CPED1: variants seen among roughly 807,000 people sequenced by gnomAD.
CPED1 encodes cadherin like and PC-esterase domain containing 1, also known as cadherin-like and PC-esterase domain-containing protein 1.
In CPED1, 114 loss-of-function variants were observed where a neutral mutation model predicts 128.2. The ratio of observed to expected loss-of-function variants is 0.89; its 90% CI spans 0.76 to 1.04. CPED1 has a LOEUF of 1.04. Among genes scored for constraint, CPED1 ranks in the 50% least tolerant of loss-of-function variants. The pLI, the probability that CPED1 is intolerant of heterozygous loss-of-function variation, is 0.00. For missense variants in CPED1, 1,211 were observed against 1,207.1 expected, an observed-to-expected ratio of 1.00 and a Z score of -0.05; for synonymous variants, 462 against 426.7, an observed-to-expected ratio of 1.08 and a Z score of -1.02.
At chr7:121,210,780 T>C (rs575280978) in intron 16 of CPED1, among the ~76,000 whole-genome samples, 27 of 152,078 alleles carry the variant, frequency 1.8e-4, no homozygotes, top group African/African-American at 6.0e-4. Flanking sequence ...TAATCTATTA[T>C]ACATTTGAAA....
chr7:121,074,102 CCT>C (rs1008421648), intron 5 of CPED1, among the ~76,000 whole-genome samples: 2 of 152,126 alleles, frequency 1.3e-5, no homozygotes, highest in African/African-American at 4.8e-5. Flanking sequence ...CCTATTACCC[CCT>C]GATTTAGAGG....
At chr7:121,226,568 A>C (rs935973067) in intron 16 of CPED1, among the ~76,000 whole-genome samples, 2 of 152,080 alleles carry the variant, frequency 1.3e-5, no homozygotes, top group Non-Finnish European at 2.9e-5. Flanking sequence ...TTGTACATCT[A>C]TCTTTGTGTA....
Position 121,266,813 on chromosome 7 carries a change from A to G in CPED1, c.2633+5A>G. ...TATTCACAAAGTTTTGAAGAGGTAA[A>G]TGTCTGCAACAATAATTGTCATTAG... On this transcript the variant is annotated splice_donor_5th_base_variant and intron_variant, in intron 20 of 22. Transcript: ENST00000310396. The G allele has an allele frequency of 6.3e-7, 1 of 1,594,872 alleles. No individual in the cohort carries two copies. The highest frequency in any genetic ancestry group is 8.6e-7 in the Non-Finnish European group (1 of 1,162,854).
intron 10 of CPED1, among the ~76,000 whole-genome samples, chr7:121,127,629 G>A (rs548338305): frequency 2.0e-5 from 3 of 149,738 alleles, no homozygotes; most frequent in Admixed American, 1.3e-4. Context: ...TCCGCCTCCT[G>A]GGTTCAAGAG....
At chr7:121,165,246 G>A (rs956150991) in intron 16 of CPED1, among the ~76,000 whole-genome samples, 7 of 152,080 alleles carry the variant, frequency 4.6e-5, no homozygotes, top group African/African-American at 1.7e-4. Context: ...TAAGTATCCA[G>A]TATATAAACT....
intron 7 of CPED1, among the ~76,000 whole-genome samples, chr7:121,101,197 G>C (rs1224970730): frequency 6.6e-6 from 1 of 151,296 alleles, no homozygotes. Flanking sequence ...TCACAATGTA[G>C]ATTTTTAGTT....
chr7:121,229,430 G>A (rs1798088155), intron 16 of CPED1, among the ~76,000 whole-genome samples: 1 of 151,924 alleles, frequency 6.6e-6, no homozygotes, highest in Admixed American at 6.6e-5. Flanking sequence ...ATATGTCTAA[G>A]AAATCAGTCT....
rs1029481474 is a variant in CPED1, at chr7:121,127,099, C to T, written c.1144C>T (p.His382Tyr). ...TTTTGTTCTTTCAAAGGTACACGAG[C>T]ATTTAAATTTTCAAGATTATGATAA... ...MYPVVLQVHE[H>Y]LNFQDYDNMD... The change falls in exon 10 of 23, where the codon CAT becomes TAT. Residue 382 changes from histidine to tyrosine, a missense_variant. Coordinates refer to ENST00000310396, the MANE Select transcript of CPED1 (RefSeq NM_024913.5). The T allele has an allele frequency of 1.9e-6, 3 of 1,587,544 alleles. No homozygotes were observed. In the African/African-American group the frequency reaches 4.1e-5, roughly 22 times the overall value.
chr7:121,241,592 C>G (rs1296436667), intron 17 of CPED1, among the ~76,000 whole-genome samples: 2 of 152,048 alleles, frequency 1.3e-5, no homozygotes, highest in African/African-American at 4.8e-5. Context: ...TCTTCTGGCT[C>G]ACTCCTGTCA....
intron 16 of CPED1, among the ~76,000 whole-genome samples, chr7:121,147,766 T>C (rs906511190): frequency 1.3e-5 from 2 of 152,160 alleles, no homozygotes; most frequent in African/African-American, 4.8e-5. Flanking sequence ...CAGCTTGCAT[T>C]TTAAAACAGA....
chr7:121,063,238 A>G (rs1793726429), intron 4 of CPED1, among the ~76,000 whole-genome samples: 1 of 152,128 alleles, frequency 6.6e-6, no homozygotes, highest in Non-Finnish European at 1.5e-5. Context: ...ATTGGGGAAG[A>G]TTTCATCAAT....
chr7:121,248,474 A>G (rs1455306495), intron 18 of CPED1, among the ~76,000 whole-genome samples: 1 of 152,116 alleles, frequency 6.6e-6, no homozygotes, highest in Non-Finnish European at 1.5e-5. Flanking sequence ...GAATAAATAC[A>G]GAGGAGCCCT....
chr7:120,998,948 G>A (rs1212776796), intron 2 of CPED1, among the ~76,000 whole-genome samples: 1 of 151,888 alleles, frequency 6.6e-6, no homozygotes, highest in Admixed American at 6.6e-5. Context: ...TCTATTCATT[G>A]GTTTATTGTC....
intron 16 of CPED1, among the ~76,000 whole-genome samples, chr7:121,224,702 A>G (rs1421225677): frequency 6.7e-6 from 1 of 148,314 alleles, no homozygotes; most frequent in Non-Finnish European, 1.5e-5. Context: ...TGATCCCTTT[A>G]CCATTATGTA....
chr7:121,021,181 T>C (rs1039729937), intron 3 of CPED1, among the ~76,000 whole-genome samples: 7 of 151,932 alleles, frequency 4.6e-5, no homozygotes, highest in African/African-American at 1.7e-4. Context: ...CATGTGTTCT[T>C]GGGAAATACT....
intron 7 of CPED1, among the ~76,000 whole-genome samples, chr7:121,123,453 C>CA (rs1795434200): frequency 6.6e-6 from 1 of 151,876 alleles, no homozygotes; most frequent in Non-Finnish European, 1.5e-5. Flanking sequence ...CATGTTTTTT[C>CA]AAAAAATATT....
At chr7:121,259,519 GA>G (rs917611028) in intron 18 of CPED1, among the ~76,000 whole-genome samples, 4 of 151,764 alleles carry the variant, frequency 2.6e-5, no homozygotes, top group South Asian at 2.1e-4. Context: ...AAAATCAATT[GA>G]AAAAAAGCAA....
chr7:121,135,274 C>T (rs970260660), intron 13 of CPED1, among the ~76,000 whole-genome samples: 4 of 152,030 alleles, frequency 2.6e-5, no homozygotes, highest in Non-Finnish European at 5.9e-5. Flanking sequence ...GAAGTACCCA[C>T]CTATATGTCA....
At chr7:121,040,173 G>A (rs1339530515) in intron 3 of CPED1, among the ~76,000 whole-genome samples, 3 of 152,046 alleles carry the variant, frequency 2.0e-5, no homozygotes, top group African/African-American at 2.4e-5. Context: ...GCCACTTGAG[G>A]TGAAGAGACC....
Sources: gnomAD v4.1 joint callset for allele counts (sites outside exome capture counted in the v4.1 genomes callset) on GRCh38, gnomAD v4.1.1 for gene constraint, MANE v1.5 for transcripts, NCBI Gene and HGNC (gene_info 2026-07-23, HGNC 2026-07-21) for gene names.